The following IL21R variants were observed in gnomAD, a reference collection of about 807,000 sequenced individuals.
IL21R encodes interleukin 21 receptor, also known as interleukin-21 receptor.
A neutral mutation model predicts 41.3 loss-of-function variants in IL21R; 14 were observed. The ratio of observed to expected loss-of-function variants is 0.34; its 90% confidence interval spans 0.22 to 0.53. The LOEUF (loss-of-function observed/expected upper bound fraction) is 0.53. Ranked by LOEUF, IL21R falls within the 20% of genes least tolerant of loss-of-function variation. The pLI is 0.94. For missense variants in IL21R, 588 were observed against 681.6 expected, an observed-to-expected ratio of 0.86 and a Z score of 1.53; for synonymous variants, 286 against 287.6, an observed-to-expected ratio of 0.99 and a Z score of 0.05.
intron 1 of IL21R, among the ~76,000 whole-genome samples, chr16:27,428,333 T>C (rs1052984569): frequency 6.6e-6 from 1 of 152,204 alleles, no homozygotes; most frequent in Non-Finnish European, 1.5e-5. Context: ...GGTTCTTTGA[T>C]GGCTCTGTGA....
intron 1 of IL21R, among the ~76,000 whole-genome samples, chr16:27,425,515 AT>A (rs1402328552): frequency 6.6e-6 from 1 of 151,902 alleles, no homozygotes; most frequent in African/African-American, 2.4e-5. Flanking sequence ...ATTTGGTGCT[AT>A]CGCATCTTAA....
At chr16:27,445,303 G>A (rs745503560) in intron 7 of IL21R, 27 bp downstream of exon 7, 5 of 1,517,320 alleles carry the variant, frequency 3.3e-6, no homozygotes, top group South Asian at 1.1e-5. Flanking sequence ...AGGAAGGCAG[G>A]GAGGTGGTCA....
intron 4 of IL21R, among the ~76,000 whole-genome samples, chr16:27,439,793 G>A (rs1483166146): frequency 6.6e-6 from 1 of 152,188 alleles, no homozygotes; most frequent in Non-Finnish European, 1.5e-5. Context: ...AGCTGGGGCA[G>A]GAAGTGATTT....
intron 1 of IL21R, among the ~76,000 whole-genome samples, chr16:27,410,189 AGCTGAG>A (rs2086805029): frequency 6.6e-6 from 1 of 152,054 alleles, no homozygotes; most frequent in Non-Finnish European, 1.5e-5. Flanking sequence ...TACAAAAATT[AGCTGAG>A]TGTGGTGGTG....
chr16:27,439,886 C>T (rs2087349722), intron 4 of IL21R, among the ~76,000 whole-genome samples: 1 of 152,136 alleles, frequency 6.6e-6, no homozygotes, highest in South Asian at 2.1e-4. Context: ...TCACGACCCC[C>T]AGGCTCTGCA....
At chr16:27,429,100 T>G (rs1225916437) in intron 1 of IL21R, among the ~76,000 whole-genome samples, 1 of 152,068 alleles carries the variant, frequency 6.6e-6, no homozygotes. Context: ...GGCGGCCACC[T>G]GTATTCCCAG....
rs2087295596 is a variant in IL21R at position 27,437,591 on chromosome 16, T to C, written c.256T>C (p.Phe86Leu). 1.9e-6 allele frequency: 3 copies of C among 1,614,218 alleles called. No homozygotes were observed. Among genetic ancestry groups the C allele is most frequent in the Middle Eastern group, 1.6e-4 (1 of 6,062 alleles). The change falls in exon 4 of 9, where the codon TTC (phenylalanine) becomes CTC (leucine). Residue 86 changes from phenylalanine (F) to leucine (L), a missense_variant. Physicochemically the swap from Phe to Leu is conservative, Grantham distance 22. Coordinates refer to ENST00000337929, the MANE Select transcript of IL21R (RefSeq NM_181078.3). ...CACCTACACCTGCCACATGGATGTATTCCACTTCATGGCCGACGACATTTT... is the reference window on the plus strand; with the variant it reads ...CACCTACACCTGCCACATGGATGTACTCCACTTCATGGCCGACGACATTTT... ...HATYTCHMDV[F>L]HFMADDIFSV...
rs1342759961 is a variant in IL21R, at chr16:27,444,731, G to A, written c.685+12G>A. 1 of 1,477,744 alleles carries A rather than the reference G, an allele frequency of 6.8e-7. No individual in the cohort carries two copies. The highest frequency in any genetic ancestry group is 9.0e-7 in the Non-Finnish European group (1 of 1,112,788). The allele number at this position is 1,477,744 out of a possible 1,614,324, so 91.5% of individuals were successfully genotyped here. On this transcript the variant is annotated intron_variant, in intron 6 of 8. Transcript: ENST00000337929. The stretch of plus-strand genomic sequence containing the variant: ...GACCCAGTCAGAGGGTAGGTGTGAA[G>A]CTGGGATGGACACCCCACTCCTGGT...
chr16:27,449,473 T>G lies in IL21R; in HGVS notation c.*190T>G, dbSNP rs1283983484. On this transcript the variant is annotated 3_prime_UTR_variant, in exon 9 of 9. Transcript: ENST00000337929. Reference sequence around the variant, plus strand: ...GTGCATATGCATGTGTGTGTGTGTGTGTGTCTTAGGTGCGCAGTGGCATGT... The same window carrying G: ...GTGCATATGCATGTGTGTGTGTGTGGGTGTCTTAGGTGCGCAGTGGCATGT... 4 of 627,384 alleles carry G rather than the reference T, an allele frequency of 6.4e-6. No homozygotes were observed. The highest frequency in any genetic ancestry group is 1.1e-5 in the Non-Finnish European group (4 of 366,704). The allele number at this position is 627,384 out of a possible 1,614,324, so 38.9% of individuals were successfully genotyped here.
At chr16:27,445,972 G>A in intron 7 of IL21R, 35 bp from the exon 8 acceptor site, 1 of 1,560,704 alleles carries the variant, frequency 6.4e-7, no homozygotes, top group Non-Finnish European at 8.8e-7. Flanking sequence ...GCCCTCTGGT[G>A]ATGTCAGGGT....
chr16:27,444,793 G>C (rs1356960507), intron 6 of IL21R, 74 bp downstream of exon 6: 1 of 1,346,264 alleles, frequency 7.4e-7, no homozygotes, highest in African/African-American at 1.5e-5. Flanking sequence ...CCTAAGCCCT[G>C]AGCTTTCTGG....
chr16:27,445,907 G>T, intron 7 of IL21R, 100 bp from the exon 8 acceptor site: 4 of 845,690 alleles, frequency 4.7e-6, no homozygotes, highest in South Asian at 1.8e-5. Context: ...GTCTTGGGAT[G>T]CTCGGAAGCT....
chr16:27,418,004 C>CATTT (rs1243925795), intron 1 of IL21R, among the ~76,000 whole-genome samples: 8 of 134,744 alleles, frequency 5.9e-5, no homozygotes, highest in Admixed American at 5.1e-4. Flanking sequence ...AACATTTTTC[C>CATTT]TATTTTATTT....
Position 27,413,425 on chromosome 16 carries a change from T to C in IL21R, c.-17+10807T>C, listed in dbSNP as rs961905686. 2.6e-5 allele frequency among the ~76,000 whole-genome samples: 4 copies of C among 152,244 alleles called. No individual in the cohort carries two copies. The East Asian group carries it at 7.7e-4, about 29-fold the overall frequency. On this transcript the variant is annotated intron_variant, in intron 1 of 8. Transcript: ENST00000337929. ...AGTACTGGTCTATGGTTTTGTTTTC[T>C]TGCATCTTTGTCTGGCTTTGGTACT...
intron 1 of IL21R, among the ~76,000 whole-genome samples, chr16:27,425,248 C>T (rs1240343556): frequency 1.3e-5 from 2 of 152,194 alleles, no homozygotes; most frequent in Admixed American, 6.5e-5. Flanking sequence ...GGTGCTGTTG[C>T]CCTCAGGGGT....
intron 4 of IL21R, among the ~76,000 whole-genome samples, chr16:27,442,510 C>T (rs1163303430): frequency 1.3e-5 from 2 of 152,108 alleles, no homozygotes; most frequent in African/African-American, 4.8e-5. Flanking sequence ...ACTACAGGCG[C>T]CCGCCACCAC....
At chr16:27,405,329 G>A (rs1461000560) in intron 1 of IL21R, among the ~76,000 whole-genome samples, 7 of 152,136 alleles carry the variant, frequency 4.6e-5, no homozygotes, top group African/African-American at 7.2e-5. Context: ...CACCGTGACC[G>A]GCCTATGTTT....
intron 7 of IL21R, 82 bp from the exon 8 acceptor site, chr16:27,445,925 G>C: frequency 1.9e-6 from 2 of 1,071,790 alleles, no homozygotes; most frequent in Non-Finnish European, 2.8e-6. Context: ...GCTCCTGTAG[G>C]ATGAAGCTGG....
chr16:27,443,950 A>T (rs1332792744), intron 5 of IL21R: 2 of 152,036 alleles, frequency 1.3e-5, no homozygotes, highest in African/African-American at 2.4e-5. Flanking sequence ...GAGTTCTAGA[A>T]TTGCCCATCC....
Sources: allele counts gnomAD v4.1 joint callset (sites outside exome capture counted in the v4.1 genomes callset), GRCh38; gene constraint gnomAD v4.1.1; transcripts MANE v1.5; gene names NCBI Gene and HGNC (gene_info 2026-07-23, HGNC 2026-07-21).